ABCC8: variants seen among roughly 807,000 people sequenced by gnomAD.
The protein encoded by ABCC8 is ATP binding cassette subfamily C member 8.
ABCC8 carries 137 observed loss-of-function variants against 188.0 expected under a neutral mutation model. The ratio of observed to expected loss-of-function variants is 0.73; its 90% CI spans 0.63 to 0.84. ABCC8 has a LOEUF of 0.84. Ranked by LOEUF, ABCC8 falls within the 40% of genes least tolerant of loss-of-function variation. The pLI, the probability that ABCC8 is intolerant of heterozygous loss-of-function variation, is 0.00. For missense variants in ABCC8, 1,750 were observed against 2,072.7 expected (o/e 0.84, Z 3.02); for synonymous variants, 797 against 846.5 (o/e 0.94, Z 1.01).
chr11:17,393,583 T>C, intron 38 of ABCC8, 114 bp downstream of exon 38: 1 of 1,517,276 alleles, frequency 6.6e-7, no homozygotes, highest in Non-Finnish European at 9.1e-7. Context: ...TGCTTCAGGG[T>C]TCTTTCTTGA....
intron 11 of ABCC8, among the ~76,000 whole-genome samples, chr11:17,431,813 G>T (rs1050882097): frequency 1.3e-5 from 2 of 152,214 alleles, no homozygotes; most frequent in Non-Finnish European, 2.9e-5. Context: ...CTTAAAAAAA[G>T]ACTGGAAAGA....
At chr11:17,405,008 G>A (rs946773148) in intron 27 of ABCC8, among the ~76,000 whole-genome samples, 9 of 152,070 alleles carry the variant, frequency 5.9e-5, no homozygotes, top group East Asian at 1.9e-4. Context: ...CAAGTGATCC[G>A]CCTGCCTCCG....
chr11:17,397,922 G>A, intron 30 of ABCC8, 125 bp from the exon 31 acceptor site: 1 of 1,514,946 alleles, frequency 6.6e-7, no homozygotes, highest in East Asian at 2.5e-5. Context: ...TGCAACTCAT[G>A]CACACGTCAC....
intron 29 of ABCC8, 145 bp downstream of exon 29, chr11:17,402,516 C>T: frequency 6.5e-7 from 1 of 1,535,196 alleles, no homozygotes; most frequent in Non-Finnish European, 8.8e-7. Context: ...GGTGGATATC[C>T]CTTGGGCCTT....
chr11:17,448,656 T>C lies in ABCC8; in HGVS notation c.1192A>G (p.Lys398Glu). The change falls in exon 8 of 39, where the codon AAA becomes GAA. Residue 398 changes from lysine (K) to glutamate (E), a missense_variant. Transcript: ENST00000389817. The part of the protein sequence containing the change: ...RGAIQTKIYN[K>E]IMHLSTSNLS... ...TTGGAGGTGGACAGGTGCATAATTTTATTGTAAATCTTGGTCTAGAAATGA... is the reference window on the plus strand; with the variant it reads ...TTGGAGGTGGACAGGTGCATAATTTCATTGTAAATCTTGGTCTAGAAATGA... 6.2e-7 allele frequency: 1 copy of C among 1,614,214 alleles called. No individual in the cohort carries two copies. The highest frequency in any genetic ancestry group is 8.5e-7 in the Non-Finnish European group (1 of 1,180,038).
intron 30 of ABCC8, among the ~76,000 whole-genome samples, 196 bp downstream of exon 30, chr11:17,398,143 A>T (rs915202543): frequency 3.3e-5 from 5 of 152,172 alleles, no homozygotes; most frequent in African/African-American, 1.2e-4. Flanking sequence ...CAGATACACA[A>T]GCCTCCAGGC....
At chr11:17,439,324 A>G (rs1347757722) in intron 10 of ABCC8, among the ~76,000 whole-genome samples, 1 of 152,138 alleles carries the variant, frequency 6.6e-6, no homozygotes, top group East Asian at 1.9e-4. Context: ...ACAGAGTCAC[A>G]GGTAATCTTG....
chr11:17,470,145 T>C lies in ABCC8; in HGVS notation c.368A>G (p.Tyr123Cys). The change falls in exon 3 of 39, where the codon TAC (tyrosine) becomes TGC (cysteine). Residue 123 changes from tyrosine (Y) to cysteine (C), a missense_variant. Tyr to Cys is a radical substitution (Grantham distance 194). Coordinates refer to ENST00000389817, the MANE Select transcript of ABCC8 (RefSeq NM_000352.6). Reference protein sequence around the residue: ...AFMAAVTSVVYYHNIETSNFP... With the variant: ...AFMAAVTSVVCYHNIETSNFP... ...GTTGGAAGTCTCGATGTTGTGATAG[T>C]AGACCACGGAGGTGACAGCAGCCAT... 1 of 1,614,142 alleles carries C rather than the reference T, an allele frequency of 6.2e-7. No individual in the cohort carries two copies. The highest frequency in any genetic ancestry group is 1.3e-5 in the African/African-American group (1 of 75,024).
chr11:17,410,519 G>A lies in ABCC8; in HGVS notation c.2691C>T (p.Asp897=), dbSNP rs201609520. ...TGACCCCCTTGTTCCCCCTCACCCAGTCTGCATGGGGCAGGTACTGTAGCT... is the reference window on the plus strand; with the variant it reads ...TGACCCCCTTGTTCCCCCTCACCCAATCTGCATGGGGCAGGTACTGTAGCT... The part of the protein sequence containing the change: ...THKLQYLPHA[D]WIIAMKDGTI... Residue 897 remains aspartate (D), a synonymous_variant, in exon 22 of 39, where the codon GAC becomes GAT. Transcript: ENST00000389817. 5.6e-6 allele frequency: 9 copies of A among 1,614,128 alleles called. No homozygotes were observed. Among genetic ancestry groups the A allele is most frequent in the Non-Finnish European group, 7.6e-6 (9 of 1,180,012 alleles).
intron 16 of ABCC8, among the ~76,000 whole-genome samples, chr11:17,424,023 T>A (rs1165331966): frequency 6.6e-6 from 1 of 152,144 alleles, no homozygotes; most frequent in African/African-American, 2.4e-5. Context: ...GATGATGAGG[T>A]GCCTGCACAG....
intron 19 of ABCC8, 56 bp from the exon 20 acceptor site, chr11:17,413,534 A>G: frequency 3.1e-6 from 5 of 1,612,374 alleles, no homozygotes; most frequent in Non-Finnish European, 4.2e-6. Context: ...AGTTGGCCCG[A>G]GCACTTGCAG....
rs1458139989 is a variant in ABCC8, at chr11:17,461,661, T to C, written c.744A>G (p.Arg248=). Residue 248 remains arginine (R), a synonymous_variant, in exon 5 of 39, where the codon CGA becomes CGG. Coordinates refer to ENST00000389817, the MANE Select transcript of ABCC8 (RefSeq NM_000352.6). ...TGGCGATGGGCAGCTTCCCGATGGC[T>C]CGCAAGTCGATGGGCTTCTTGTGGG... ...KTAHKKPIDL[R]AIGKLPIAMR... The C allele has an allele frequency of 1.2e-6, 2 of 1,614,088 alleles. No homozygotes were observed. The highest frequency in any genetic ancestry group is 1.1e-5 in the South Asian group (1 of 91,088).
rs201877748 is a variant in ABCC8, at chr11:17,413,738, C to T, written c.2391-260G>A. 2.6e-5 allele frequency among the ~76,000 whole-genome samples: 4 copies of T among 152,178 alleles called. No individual in the cohort carries two copies. In the East Asian group the frequency reaches 5.8e-4, roughly 22 times the overall value. ...ATATGCAGAGTAAGTGATGAAAGGG[C>T]GCTCATGATCTCTGTGCAGTGGGAA... is the stretch of plus-strand genomic sequence containing the variant. On this transcript the variant is annotated intron_variant, in intron 19 of 38. Coordinates refer to ENST00000389817, the MANE Select transcript of ABCC8 (RefSeq NM_000352.6).
intron 4 of ABCC8, among the ~76,000 whole-genome samples, chr11:17,462,799 C>CAG (rs36065130): frequency 0.47 from 71,457 of 151,902 alleles, 18,415 homozygotes; most frequent in African/African-American, 0.7. Context: ...GTGCAGAAAA[C>CAG]TGCATAATAT....
intron 7 of ABCC8, among the ~76,000 whole-genome samples, chr11:17,451,424 C>A (rs1956811955): frequency 6.6e-6 from 1 of 152,236 alleles, no homozygotes; most frequent in Non-Finnish European, 1.5e-5. Context: ...TGAGAAACCA[C>A]TGGGGATGGG....
chr11:17,453,596 T>C (rs1272870545), intron 6 of ABCC8, among the ~76,000 whole-genome samples: 1 of 152,204 alleles, frequency 6.6e-6, no homozygotes, highest in Admixed American at 6.5e-5. Flanking sequence ...GAGAGCATTC[T>C]GAATGGGGCA....
intron 3 of ABCC8, among the ~76,000 whole-genome samples, chr11:17,464,929 C>G (rs942428536): frequency 6.6e-6 from 1 of 152,194 alleles, no homozygotes; most frequent in East Asian, 1.9e-4. Context: ...CCTATGTGGG[C>G]CTGGGCATGG....
intron 29 of ABCC8, among the ~76,000 whole-genome samples, chr11:17,401,945 C>T (rs370282446): frequency 1.3e-5 from 2 of 152,180 alleles, no homozygotes; most frequent in Admixed American, 6.5e-5. Context: ...AAAACCTTCC[C>T]GGACTGTCTC....
At chr11:17,426,085 T>C (rs1157833783) in intron 16 of ABCC8, among the ~76,000 whole-genome samples, 2 of 152,246 alleles carry the variant, frequency 1.3e-5, no homozygotes, top group Non-Finnish European at 2.9e-5. Context: ...CAGTCTATCA[T>C]TGATGGGCAT....
Sources: gnomAD v4.1 joint callset for allele counts (sites outside exome capture counted in the v4.1 genomes callset) on GRCh38, gnomAD v4.1.1 for gene constraint, MANE v1.5 for transcripts, NCBI Gene and HGNC (gene_info 2026-07-23, HGNC 2026-07-21) for gene names.